Variants in RYR1 observed in about 807,000 individuals in gnomAD.
RYR1 encodes the protein ryanodine receptor 1, also known as central core disease of muscle.
Under a neutral mutation model 583.5 loss-of-function variants are expected in RYR1, and 342 were observed. The observed-to-expected ratio is 0.59, with a 90% confidence interval of 0.54 to 0.64. RYR1 has a LOEUF of 0.64. Ranked by LOEUF, RYR1 falls within the 30% of genes least tolerant of loss-of-function variation. RYR1 has a pLI of 0.00. For synonymous variants in RYR1, 2,791 were observed against 2,822.5 expected (o/e 0.99, Z 0.35); for missense variants, 6,032 against 6,917.2 (o/e 0.87, Z 4.54).
intron 65 of RYR1, 81 bp downstream of exon 65, chr19:38,516,298 T>A (rs952672153): frequency 1.3e-6 from 2 of 1,497,042 alleles, no homozygotes; most frequent in African/African-American, 2.8e-5. Context: ...AATTTGGGGG[T>A]AGTGTGGCTG....
At chr19:38,562,067 C>T (rs1360000455) in intron 90 of RYR1, among the ~76,000 whole-genome samples, 2 of 152,114 alleles carry the variant, frequency 1.3e-5, no homozygotes, top group African/African-American at 4.8e-5. Context: ...CTTGCACACA[C>T]ACCCTGAGGA....
At chr19:38,489,949 A>G (rs1969476787) in intron 35 of RYR1, 127 bp from the exon 36 acceptor site, 4 of 959,474 alleles carry the variant, frequency 4.2e-6, no homozygotes, top group Non-Finnish European at 6.5e-6. Flanking sequence ...TTAAGGTTCC[A>G]GGCGGGAAAT....
chr19:38,505,068 G>C lies in RYR1; in HGVS notation c.8297G>C (p.Trp2766Ser). 1 of 1,614,026 alleles carries C rather than the reference G, an allele frequency of 6.2e-7. No individual in the cohort carries two copies. The highest frequency in any genetic ancestry group is 1.3e-5 in the African/African-American group (1 of 74,986). Residue 2766 changes from tryptophan to serine, a missense_variant, in exon 52 of 106, where the codon TGG becomes TCG. Trp to Ser is a radical substitution (Grantham distance 177, BLOSUM62 -3). Around this residue, in one of 11 missense-constraint regions of RYR1, gnomAD observed 1,493 missense variants for 1,715.5 expected, o/e 0.87. Transcript: ENST00000359596. ...NKFAEYTHEK[W>S]AFDKIQNNWS... ...TTTGCGGAGTACACACACGAGAAGT[G>C]GGCCTTCGACAAGGTTGGCCTCAGG... is the stretch of plus-strand genomic sequence containing the variant.
chr19:38,568,345 G>A (rs1462313585), intron 93 of RYR1, among the ~76,000 whole-genome samples: 4 of 152,240 alleles, frequency 2.6e-5, no homozygotes, highest in South Asian at 2.1e-4. Flanking sequence ...CTGGGGAAGC[G>A]TTCATCTCAT....
intron 34 of RYR1, among the ~76,000 whole-genome samples, chr19:38,487,207 T>C (rs1280840262): frequency 6.6e-6 from 1 of 152,102 alleles, no homozygotes; most frequent in Non-Finnish European, 1.5e-5. Context: ...CGTACACCCA[T>C]CCACCTACCC....
chr19:38,461,737 A>AAG (rs1555771447), intron 20 of RYR1, among the ~76,000 whole-genome samples: 1 of 135,510 alleles, frequency 7.4e-6, no homozygotes, highest in African/African-American at 2.7e-5. Flanking sequence ...AAAAAAAAAA[A>AAG]AAAGAAAGGG....
chr19:38,534,913 C>A, intron 79 of RYR1, 94 bp downstream of exon 79: 2 of 1,367,166 alleles, frequency 1.5e-6, no homozygotes, highest in South Asian at 1.2e-5. Flanking sequence ...CATTTGCCGC[C>A]CCTCAATGCC....
chr19:38,519,308 G>C lies in RYR1; in HGVS notation c.10113G>C (p.Lys3371Asn), dbSNP rs757539208. ...TIGRLRKRAG[K>N]VVSEEEQLRL... ...GGCGGCTGCGCAAGAGGGCAGGGAA[G>C]GTGGTGTCCGAGGAGGAGCAGCTGC... The change falls in exon 67 of 106, where the codon AAG (lysine) becomes AAC (asparagine). Residue 3371 changes from lysine to asparagine, a missense_variant. By Grantham distance (94) the Lys-to-Asn change is moderately conservative. Coordinates refer to ENST00000359596, the MANE Select transcript of RYR1 (RefSeq NM_000540.3). 1 of 1,613,960 alleles carries C rather than the reference G, an allele frequency of 6.2e-7. No individual in the cohort carries two copies. Among genetic ancestry groups the C allele is most frequent in the African/African-American group, 1.3e-5 (1 of 74,950 alleles).
chr19:38,532,176 C>T (rs181431705), intron 76 of RYR1, among the ~76,000 whole-genome samples: 7 of 149,152 alleles, frequency 4.7e-5, no homozygotes, highest in African/African-American at 1.5e-4. Context: ...GGCTGGAGTA[C>T]GGTGGCGCAA....
At position 38,485,909 on chromosome 19, in the gene RYR1, A is replaced by G. The variant is rs767703106; in HGVS notation, c.5254A>G (p.Ser1752Gly). Reference sequence around the variant, plus strand: ...CATCACGCTCTTCCCTCCTGGAAGGAGCACAGAAAATGGTCACCCCCGGCA... The same window carrying G: ...CATCACGCTCTTCCCTCCTGGAAGGGGCACAGAAAATGGTCACCCCCGGCA... ...RAITLFPPGRSTENGHPRHGL... is the reference protein window; with the variant it reads ...RAITLFPPGRGTENGHPRHGL... Residue 1752 changes from serine to glycine, a missense_variant, in exon 34 of 106, where the codon AGC (serine) becomes GGC (glycine). Ser to Gly is a moderately conservative substitution (Grantham distance 56). This residue lies in a region of RYR1 where 2,627 missense variants were observed against 2,961.3 expected (regional missense o/e 0.89). Coordinates refer to ENST00000359596, the MANE Select transcript of RYR1 (RefSeq NM_000540.3). 1.2e-6 allele frequency: 2 copies of G among 1,613,696 alleles called. No individual in the cohort carries two copies. The highest frequency in any genetic ancestry group is 2.2e-5 in the East Asian group (1 of 44,876).
chr19:38,461,044 C>T (rs1967709741), intron 20 of RYR1, among the ~76,000 whole-genome samples: 1 of 152,096 alleles, frequency 6.6e-6, no homozygotes, highest in South Asian at 2.1e-4. Flanking sequence ...GTAATCCCAG[C>T]TACTCGGGAG....
intron 89 of RYR1, among the ~76,000 whole-genome samples, chr19:38,548,664 G>A (rs2145791788): frequency 6.6e-6 from 1 of 152,296 alleles, no homozygotes; most frequent in South Asian, 2.1e-4. Flanking sequence ...CTGCAGCCTT[G>A]ACCTCCTGGC....
chr19:38,510,243 C>T (rs1970665764), intron 58 of RYR1, among the ~76,000 whole-genome samples: 1 of 152,024 alleles, frequency 6.6e-6, no homozygotes, highest in African/African-American at 2.4e-5. Context: ...ATCGCTTGAA[C>T]TCAGGAGGCA....
intron 89 of RYR1, among the ~76,000 whole-genome samples, chr19:38,558,400 C>G (rs1972971830): frequency 6.6e-6 from 1 of 152,194 alleles, no homozygotes; most frequent in Non-Finnish European, 1.5e-5. Context: ...ATGGATAACG[C>G]ATTAACCCTG....
intron 78 of RYR1, 43 bp downstream of exon 78, chr19:38,532,779 C>T: frequency 2.5e-6 from 4 of 1,581,318 alleles, no homozygotes; most frequent in Non-Finnish European, 3.5e-6. Flanking sequence ...GATGGGGGAC[C>T]CTGACTGCAG....
chr19:38,496,015 G>A lies in RYR1; in HGVS notation c.6549-200G>A, dbSNP rs910248670. ...TGACCTCAAGTGATCCTCTAGCTTC[G>A]GCCTCCCAAAGTGCTGGGATTACAC... On this transcript the variant is annotated intron_variant, in intron 39 of 105. Transcript: ENST00000359596. This position sits in a 1 kb window ranked among gnomAD's most constrained non-coding sequence, Gnocchi z 4.8. Among the ~76,000 whole-genome samples the A allele has an allele frequency of 2.0e-5, 3 of 152,148 alleles. No homozygotes were observed. The highest frequency in any genetic ancestry group is 2.9e-5 in the Non-Finnish European group (2 of 67,992).
chr19:38,530,342 C>G (rs557777871), intron 76 of RYR1, among the ~76,000 whole-genome samples: 5 of 151,990 alleles, frequency 3.3e-5, no homozygotes, highest in Admixed American at 6.6e-5. Context: ...TCAGACCCCC[C>G]ACTCCACATC....
At chr19:38,586,461 A>G in intron 104 of RYR1, 64 bp from the exon 105 acceptor site, 3 of 1,515,752 alleles carry the variant, frequency 2.0e-6, no homozygotes, top group Non-Finnish European at 2.8e-6. Flanking sequence ...TCTCTACTAT[A>G]AATGAAAAAT....
intron 7 of RYR1, among the ~76,000 whole-genome samples, chr19:38,445,436 T>C (rs1037508433): frequency 6.6e-6 from 1 of 151,846 alleles, no homozygotes; most frequent in Non-Finnish European, 1.5e-5. Context: ...CAGATTCCCA[T>C]GCTAAGACTC....
Sources: gnomAD v4.1 joint callset for allele counts (sites outside exome capture counted in the v4.1 genomes callset) on GRCh38, gnomAD v4.1.1 for gene constraint, gnomAD v4.1.1 regional missense constraint, Gnocchi (gnomAD v3.1) non-coding constraint, MANE v1.5 for transcripts, NCBI Gene and HGNC (gene_info 2026-07-23, HGNC 2026-07-21) for gene names.